The following ADCY9 variants were observed in gnomAD, a reference collection of about 807,000 sequenced individuals.
ADCY9 encodes the protein adenylate cyclase type 9.
Under a neutral mutation model 101.5 loss-of-function variants are expected in ADCY9, and 50 were observed. The observed-to-expected ratio is 0.49, with a 90% CI of 0.39 to 0.62. ADCY9 has a LOEUF of 0.62. ADCY9 is among the 20% of genes least tolerant of loss of function. ADCY9 has a pLI of 0.00. For synonymous variants in ADCY9, 905 were observed against 769.3 expected (o/e 1.18, Z -2.92); for missense variants, 1,662 against 1,800.4 (o/e 0.92, Z 1.39).
At chr16:3,988,472 GT>G (rs1407102614) in intron 6 of ADCY9, among the ~76,000 whole-genome samples, 79 of 130,196 alleles carry the variant, frequency 6.1e-4, no homozygotes, top group African/African-American at 2.0e-3. Context: ...CAGGGCAGGT[GT>G]GGGGGATTCC....
At chr16:4,087,543 TAAAAAAA>T (rs55706713) in intron 2 of ADCY9, among the ~76,000 whole-genome samples, 1 of 118,194 alleles carries the variant, frequency 8.5e-6, no homozygotes, top group African/African-American at 3.2e-5. Context: ...CTCAAAAAGA[TAAAAAAA>T]AAAAAAAAAA....
At chr16:4,049,440 C>T (rs1323762366) in intron 2 of ADCY9, among the ~76,000 whole-genome samples, 3 of 152,148 alleles carry the variant, frequency 2.0e-5, no homozygotes, top group Admixed American at 2.0e-4. Flanking sequence ...AGACCCTAGC[C>T]GAGCCCAAGG....
chr16:4,038,079 G>A (rs1275633864), intron 2 of ADCY9, among the ~76,000 whole-genome samples: 1 of 152,160 alleles, frequency 6.6e-6, no homozygotes, highest in African/African-American at 2.4e-5. Flanking sequence ...TCCAAGACCA[G>A]CCTAGGCAAC....
intron 2 of ADCY9, among the ~76,000 whole-genome samples, chr16:4,021,005 C>T (rs2056472821): frequency 6.6e-6 from 1 of 152,158 alleles, no homozygotes; most frequent in Non-Finnish European, 1.5e-5. Flanking sequence ...AACACATTAG[C>T]TTGACCTTGC....
At chr16:4,110,037 G>A (rs1284727638) in intron 2 of ADCY9, among the ~76,000 whole-genome samples, 1 of 152,030 alleles carries the variant, frequency 6.6e-6, no homozygotes, top group East Asian at 1.9e-4. Flanking sequence ...TGTCCACCTG[G>A]AGAGCCACAG....
In ADCY9 at chr16:3,965,319, CTG is replaced by C. The variant is rs2055979818; in HGVS notation, c.*454_*455del. The C allele has an allele frequency of 1.1e-5, 2 of 184,792 alleles. No homozygotes were observed. Among genetic ancestry groups the C allele is most frequent in the Non-Finnish European group, 2.3e-5 (2 of 87,832 alleles). 11.4% of individuals were successfully genotyped at this position (184,792 alleles called of 1,614,324 possible). A position where few individuals can be genotyped will look rare whatever the true frequency, so the allele number is the denominator to read the frequency against. On this transcript the variant is annotated 3_prime_UTR_variant, in exon 11 of 11. Coordinates refer to ENST00000294016, the MANE Select transcript of ADCY9 (RefSeq NM_001116.4). Reference sequence around the variant, plus strand: ...AGAGAGGTCGGGTCGTAGAGGAACACTGTGACATAGACAGAAACAAAATAAAC... The same window carrying C: ...AGAGAGGTCGGGTCGTAGAGGAACACTGACATAGACAGAAACAAAATAAAC...
At chr16:4,102,939 C>G (rs2057052907) in intron 2 of ADCY9, among the ~76,000 whole-genome samples, 1 of 152,152 alleles carries the variant, frequency 6.6e-6, no homozygotes, top group African/African-American at 2.4e-5. Flanking sequence ...CCAGGCTGGT[C>G]TCCAACTCTT....
At chr16:3,999,545 A>G (rs771522173) in intron 3 of ADCY9, among the ~76,000 whole-genome samples, 7 of 151,990 alleles carry the variant, frequency 4.6e-5, no homozygotes, top group Non-Finnish European at 1.0e-4. Flanking sequence ...TGACCTGAGC[A>G]GCTATGCCTG....
chr16:4,063,662 G>A (rs952075970), intron 2 of ADCY9, among the ~76,000 whole-genome samples: 9 of 151,376 alleles, frequency 5.9e-5, no homozygotes, highest in African/African-American at 1.9e-4. Context: ...CAGTGAGCCA[G>A]TATCGCACCA....
rs115162267 is a variant in ADCY9 at position 3,992,398 on chromosome 16, G to T, written c.1990-35C>A. The T allele has an allele frequency of 8.7e-4, 1,397 of 1,597,216 alleles. 15 individuals are homozygous for T. The African/African-American group carries it at 0.016, about 18-fold the overall frequency. On this transcript the variant is annotated intron_variant, in intron 4 of 10. Transcript: ENST00000294016. This position sits in a 1 kb window ranked among gnomAD's most constrained non-coding sequence, Gnocchi z 4.2. ...GACAAAGAGGACGCAGACACGGGAA[G>T]TGAAGTGGCACCGGGCACTGGGCAC...
chr16:4,074,668 G>A (rs1567137970), intron 2 of ADCY9, among the ~76,000 whole-genome samples: 1 of 137,828 alleles, frequency 7.3e-6, no homozygotes, highest in Non-Finnish European at 1.5e-5. Context: ...AGTGAGCTAC[G>A]ATCATGCCAT....
At chr16:4,034,478 C>T (rs1449698748) in intron 2 of ADCY9, among the ~76,000 whole-genome samples, 3 of 152,132 alleles carry the variant, frequency 2.0e-5, no homozygotes, top group African/African-American at 4.8e-5. Context: ...GGTACGATTT[C>T]GGCTCACTGC....
intron 6 of ADCY9, among the ~76,000 whole-genome samples, chr16:3,985,653 C>A (rs1361215107): frequency 1.3e-5 from 2 of 152,172 alleles, no homozygotes; most frequent in Admixed American, 1.3e-4. Flanking sequence ...GCCCACACCT[C>A]CCACCTTCCA....
intron 2 of ADCY9, among the ~76,000 whole-genome samples, chr16:4,102,045 G>A (rs554209972): frequency 1.5e-4 from 23 of 152,218 alleles, no homozygotes; most frequent in Admixed American, 7.2e-4. Context: ...TCTAGGTTTC[G>A]GTACTGAACG....
chr16:3,988,859 G>A, intron 6 of ADCY9, 135 bp downstream of exon 6: 1 of 723,704 alleles, frequency 1.4e-6, no homozygotes, highest in Non-Finnish European at 2.5e-6. Context: ...TGCCACTTAG[G>A]GTTTACAGAG....
intron 2 of ADCY9, among the ~76,000 whole-genome samples, chr16:4,095,641 T>C (rs1199060919): frequency 6.6e-6 from 1 of 152,132 alleles, no homozygotes; most frequent in African/African-American, 2.4e-5. Context: ...TCACATTTTC[T>C]CCAAGCCATT....
At chr16:4,000,943 G>A (rs959630900) in intron 3 of ADCY9, among the ~76,000 whole-genome samples, 2 of 129,872 alleles carry the variant, frequency 1.5e-5, no homozygotes, top group East Asian at 2.5e-4. Flanking sequence ...CAATGATTCC[G>A]CACATACATT....
chr16:4,107,680 A>G (rs1245054303), intron 2 of ADCY9, among the ~76,000 whole-genome samples: 1 of 152,006 alleles, frequency 6.6e-6, no homozygotes, highest in Non-Finnish European at 1.5e-5. Flanking sequence ...GGTGGGGACA[A>G]GCTAACGGGG....
Position 3,967,674 on chromosome 16 carries a change from T to C in ADCY9, c.2871-708A>G, listed in dbSNP as rs1424708979. On this transcript the variant is annotated intron_variant, in intron 10 of 10. Coordinates refer to ENST00000294016, the MANE Select transcript of ADCY9 (RefSeq NM_001116.4). ...TTCCAAAGTGCTGGGATTACAGGCT[T>C]GAACTGTGCTTGGCCTAACATCTTT... Among the ~76,000 whole-genome samples, 5 of 151,394 alleles carry C rather than the reference T, an allele frequency of 3.3e-5. No homozygotes were observed. In the East Asian group the frequency reaches 9.7e-4, roughly 29 times the overall value.
Sources: allele counts gnomAD v4.1 joint callset (sites outside exome capture counted in the v4.1 genomes callset), GRCh38; gene constraint gnomAD v4.1.1; non-coding constraint Gnocchi (gnomAD v3.1); transcripts MANE v1.5; gene names NCBI Gene and HGNC (gene_info 2026-07-23, HGNC 2026-07-21).